The following SBF2 variants were observed in gnomAD, a reference collection of about 807,000 sequenced individuals.
SBF2 encodes the protein myotubularin-related protein 13.
Under a neutral mutation model 225.2 loss-of-function variants are expected in SBF2, and 112 were observed. The ratio of observed to expected loss-of-function variants is 0.50; its 90% CI spans 0.43 to 0.58. The LOEUF is 0.58. SBF2 is among the 20% of genes least tolerant of loss of function. The pLI is 0.00. For missense variants in SBF2, 1,996 were observed against 2,206.2 expected (o/e 0.90, Z 1.91); for synonymous variants, 763 against 773.3 (o/e 0.99, Z 0.22).
intron 1 of SBF2, among the ~76,000 whole-genome samples, chr11:10,290,609 G>A (rs750399156): frequency 6.6e-6 from 1 of 152,036 alleles, no homozygotes; most frequent in Admixed American, 6.5e-5. Context: ...TAGTGAAGAT[G>A]GGAGACTGAA....
intron 2 of SBF2, among the ~76,000 whole-genome samples, chr11:10,105,982 A>C (rs550978260): frequency 6.6e-6 from 1 of 152,182 alleles, no homozygotes; most frequent in Admixed American, 6.5e-5. Flanking sequence ...GTGACTTCAT[A>C]GGTGTTTAGA....
upstream of SBF2, among the ~76,000 whole-genome samples, chr11:10,295,045 G>T (rs1192941077): frequency 6.6e-6 from 1 of 152,228 alleles, no homozygotes; most frequent in Non-Finnish European, 1.5e-5. Context: ...TGACCATTTC[G>T]AATTTGGCTG....
intron 1 of SBF2, among the ~76,000 whole-genome samples, chr11:10,243,050 A>G (rs2135465663): frequency 6.6e-6 from 1 of 152,362 alleles, no homozygotes; most frequent in Non-Finnish European, 1.5e-5. Context: ...AAGTGCAAAC[A>G]GAACATTCTA....
intron 16 of SBF2, chr11:9,961,688 T>C: frequency 2.8e-6 from 1 of 355,694 alleles, no homozygotes; most frequent in Non-Finnish European, 5.2e-6. Flanking sequence ...GCTTTAAAGA[T>C]GACTTTTCAT....
intron 1 of SBF2, among the ~76,000 whole-genome samples, chr11:10,220,361 C>T (rs1391489959): frequency 4.6e-5 from 7 of 152,164 alleles, no homozygotes; most frequent in African/African-American, 7.2e-5. Flanking sequence ...ATGAGAGCTA[C>T]AATTCAAGAT....
intron 2 of SBF2, among the ~76,000 whole-genome samples, chr11:10,078,745 T>G (rs926606916): frequency 5.3e-5 from 8 of 152,046 alleles, no homozygotes; most frequent in Non-Finnish European, 8.8e-5. Context: ...AACCTGCAGG[T>G]TGTGCACATG....
At chr11:10,286,247 T>C (rs559666636) in intron 1 of SBF2, among the ~76,000 whole-genome samples, 2 of 152,152 alleles carry the variant, frequency 1.3e-5, no homozygotes, top group Admixed American at 1.3e-4. Flanking sequence ...GTGGTAATCA[T>C]TTCACAATGT....
intron 1 of SBF2, among the ~76,000 whole-genome samples, chr11:10,230,303 C>T (rs1205402386): frequency 1.3e-5 from 2 of 152,232 alleles, no homozygotes; most frequent in East Asian, 1.9e-4. Flanking sequence ...GCATTTAGAC[C>T]ATTTACATTT....
intron 2 of SBF2, among the ~76,000 whole-genome samples, chr11:10,179,747 T>C (rs1206613593): frequency 6.6e-6 from 1 of 152,198 alleles, no homozygotes; most frequent in East Asian, 1.9e-4. Context: ...GTTATTTGTT[T>C]TCTGGTTGTT....
intron 1 of SBF2, among the ~76,000 whole-genome samples, chr11:10,227,388 T>C (rs1186620082): frequency 3.3e-5 from 5 of 152,210 alleles, no homozygotes; most frequent in Admixed American, 6.5e-5. Context: ...AGACATGAAG[T>C]CCTTGCCCAT....
intron 2 of SBF2, among the ~76,000 whole-genome samples, chr11:10,133,865 TCTCA>T (rs1254665406): frequency 1.3e-5 from 2 of 152,240 alleles, no homozygotes; most frequent in East Asian, 1.9e-4. Flanking sequence ...CGCTGTCACC[TCTCA>T]CTAAGAGCAT....
intron 2 of SBF2, among the ~76,000 whole-genome samples, chr11:10,127,890 G>A (rs573558255): frequency 5.8e-4 from 88 of 152,260 alleles, no homozygotes; most frequent in Non-Finnish European, 7.8e-4. Context: ...ATGAGGCTAA[G>A]CAAGTAACGA....
chr11:10,153,883 C>T (rs916917824), intron 2 of SBF2, among the ~76,000 whole-genome samples: 1 of 151,986 alleles, frequency 6.6e-6, no homozygotes, highest in Non-Finnish European at 1.5e-5. Flanking sequence ...TGTTAATATG[C>T]TTATTCAGTT....
At chr11:10,282,311 T>G (rs1963464306) in intron 1 of SBF2, among the ~76,000 whole-genome samples, 1 of 152,208 alleles carries the variant, frequency 6.6e-6, no homozygotes, top group Non-Finnish European at 1.5e-5. Flanking sequence ...GATTTTTCTC[T>G]GAGTACAATT....
In SBF2 at chr11:10,002,683, T is replaced by C; in HGVS notation, c.626A>G (p.Gln209Arg). 1 of 1,613,338 alleles carries C rather than the reference T, an allele frequency of 6.2e-7. No homozygotes were observed. Among genetic ancestry groups the C allele is most frequent in the Non-Finnish European group, 8.5e-7 (1 of 1,179,366 alleles). ...VALLFQQLGIQNVLSLFCAVL... is the reference protein window; with the variant it reads ...VALLFQQLGIRNVLSLFCAVL... Reference sequence around the variant, plus strand: ...TGCACAAAAGAGGCTGAGGACATTTTGAATTCCTGAAAACATAAGAGCAAG... The same window carrying C: ...TGCACAAAAGAGGCTGAGGACATTTCGAATTCCTGAAAACATAAGAGCAAG... The change falls in exon 7 of 40, where the codon CAA becomes CGA. Residue 209 changes from glutamine (Q) to arginine (R), a missense_variant. Physicochemically the swap from Gln to Arg is conservative, Grantham distance 43 (BLOSUM62 1). Transcript: ENST00000256190.
At chr11:10,038,102 C>A (rs920907913) in intron 3 of SBF2, among the ~76,000 whole-genome samples, 1 of 151,800 alleles carries the variant, frequency 6.6e-6, no homozygotes, top group Non-Finnish European at 1.5e-5. Flanking sequence ...TGGTTTTGTT[C>A]CCATAATTGT....
chr11:9,784,266 C>CT, intron 38 of SBF2, 85 bp downstream of exon 38: 2 of 1,010,810 alleles, frequency 2.0e-6, no homozygotes, highest in East Asian at 2.4e-5. Flanking sequence ...CATGAGGAAT[C>CT]TATCTGTCTG....
chr11:10,133,921 C>G (rs1954223062), intron 2 of SBF2, among the ~76,000 whole-genome samples: 1 of 152,240 alleles, frequency 6.6e-6, no homozygotes, highest in Non-Finnish European at 1.5e-5. Flanking sequence ...GTTCCTGACA[C>G]AGAACTCCTA....
At chr11:10,105,862 A>G (rs989458205) in intron 2 of SBF2, among the ~76,000 whole-genome samples, 4 of 152,236 alleles carry the variant, frequency 2.6e-5, no homozygotes, top group Non-Finnish European at 4.4e-5. Context: ...GACAGAAAGC[A>G]TATCAGTGAT....
Sources: allele counts gnomAD v4.1 joint callset (sites outside exome capture counted in the v4.1 genomes callset), GRCh38; gene constraint gnomAD v4.1.1; transcripts MANE v1.5; gene names NCBI Gene and HGNC (gene_info 2026-07-23, HGNC 2026-07-21).